CREG2: variants seen among roughly 807,000 people sequenced by gnomAD.
CREG2 encodes the protein cellular repressor of E1A stimulated genes 2, also known as protein CREG2.
A neutral mutation model predicts 26.2 loss-of-function variants in CREG2; 24 were observed. The observed-to-expected ratio is 0.92, with a 90% CI of 0.66 to 1.29. The LOEUF (loss-of-function observed/expected upper bound fraction) is 1.29. CREG2 is among the 50% of genes most tolerant of loss of function. The pLI is 0.00. For missense variants in CREG2, 366 were observed against 398.6 expected, an observed-to-expected ratio of 0.92 and a Z score of 0.70; for synonymous variants, 174 against 169.2, an observed-to-expected ratio of 1.03 and a Z score of -0.22.
chr2:101,372,254 A>G (rs1156579753), intron 2 of CREG2, among the ~76,000 whole-genome samples: 1 of 152,216 alleles, frequency 6.6e-6, no homozygotes, highest in Non-Finnish European at 1.5e-5. Flanking sequence ...AGGCAAGAAG[A>G]GCCTGTGCCT....
intron 2 of CREG2, among the ~76,000 whole-genome samples, chr2:101,369,615 C>T (rs535318900): frequency 6.6e-6 from 1 of 152,264 alleles, no homozygotes; most frequent in South Asian, 2.1e-4. Flanking sequence ...CTTCTACAGG[C>T]CGATAACTTG....
intron 2 of CREG2, among the ~76,000 whole-genome samples, chr2:101,370,041 G>A (rs955280114): frequency 1.3e-5 from 2 of 152,192 alleles, no homozygotes; most frequent in Non-Finnish European, 2.9e-5. Flanking sequence ...GTAACAGTCC[G>A]GCTCGGGAGC....
intron 2 of CREG2, among the ~76,000 whole-genome samples, chr2:101,371,878 A>G (rs1684712498): frequency 6.6e-6 from 1 of 152,304 alleles, no homozygotes; most frequent in Admixed American, 6.5e-5. Flanking sequence ...GAGGAAGACA[A>G]TGAAATCCTG....
intron 1 of CREG2, 103 bp downstream of exon 1, chr2:101,386,914 G>A: frequency 8.8e-7 from 1 of 1,141,688 alleles, no homozygotes. Context: ...ACGTCTGGTG[G>A]ACCCGGATCT....
intron 2 of CREG2, among the ~76,000 whole-genome samples, chr2:101,376,935 C>T (rs1196173650): frequency 6.6e-6 from 1 of 152,132 alleles, no homozygotes; most frequent in Non-Finnish European, 1.5e-5. Context: ...TTAGGAAATG[C>T]TGATTTCCTC....
intron 2 of CREG2, among the ~76,000 whole-genome samples, chr2:101,365,530 G>C (rs1202880980): frequency 2.0e-5 from 3 of 152,166 alleles, no homozygotes; most frequent in Admixed American, 1.3e-4. Context: ...TTGTCTGTAG[G>C]TGGTCACTTC....
chr2:101,387,476 G>C lies in CREG2; in HGVS notation c.-19C>G. 1.1e-6 allele frequency: 1 copy of C among 920,014 alleles called. No individual in the cohort carries two copies. Among genetic ancestry groups the C allele is most frequent in the Non-Finnish European group, 1.4e-6 (1 of 713,330 alleles). The allele number at this position is 920,014 out of a possible 1,614,324, so 57.0% of individuals were successfully genotyped here. ...CGGACATCTTGCAGGCAGCACGCCC[G>C]GCCGCCGGGGCCGCCAGCAGCGCTA... is the stretch of plus-strand genomic sequence containing the variant. On this transcript the variant is annotated 5_prime_UTR_variant, in exon 1 of 4. Transcript: ENST00000324768. This position sits in a 1 kb window ranked among gnomAD's most constrained non-coding sequence, Gnocchi z 4.7.
At chr2:101,364,804 A>G (rs4428028) in intron 2 of CREG2, among the ~76,000 whole-genome samples, 134,239 of 152,082 alleles carry the variant, frequency 0.88, 59,319 homozygotes, top group East Asian at 1. Flanking sequence ...GGCAGGAGGC[A>G]AGAGGGTCAG....
intron 2 of CREG2, among the ~76,000 whole-genome samples, chr2:101,361,869 C>T (rs186289147): frequency 2.6e-5 from 4 of 152,012 alleles, no homozygotes; most frequent in African/African-American, 9.7e-5. Flanking sequence ...CCCTGGGGAC[C>T]CTGATGCATG....
intron 2 of CREG2, among the ~76,000 whole-genome samples, chr2:101,364,529 G>A (rs574038524): frequency 5.9e-5 from 9 of 152,314 alleles, no homozygotes; most frequent in African/African-American, 1.9e-4. Context: ...GTGTGATTTC[G>A]TACTGTGTCA....
chr2:101,376,777 T>C (rs971639202), intron 2 of CREG2, among the ~76,000 whole-genome samples: 1 of 152,192 alleles, frequency 6.6e-6, no homozygotes, highest in Non-Finnish European at 1.5e-5. Context: ...CATGATCAAA[T>C]TTCTCCTTTA....
chr2:101,361,315 T>C (rs1049733536), intron 2 of CREG2, among the ~76,000 whole-genome samples: 3 of 152,176 alleles, frequency 2.0e-5, no homozygotes, highest in Non-Finnish European at 4.4e-5. Flanking sequence ...CTCTGGAACA[T>C]GTGAATATGT....
At chr2:101,368,148 C>T (rs941977549) in intron 2 of CREG2, among the ~76,000 whole-genome samples, 2 of 151,996 alleles carry the variant, frequency 1.3e-5, no homozygotes, top group Non-Finnish European at 2.9e-5. Context: ...ATTAGCTGGG[C>T]ATTGTGGCGT....
chr2:101,370,087 A>T (rs1009007679), intron 2 of CREG2, among the ~76,000 whole-genome samples: 2 of 151,958 alleles, frequency 1.3e-5, no homozygotes, highest in Non-Finnish European at 2.9e-5. Context: ...CCCTATGAGG[A>T]TTTGGCCTGT....
intron 2 of CREG2, among the ~76,000 whole-genome samples, chr2:101,361,249 TC>T (rs1426316754): frequency 6.6e-6 from 1 of 152,246 alleles, no homozygotes; most frequent in African/African-American, 2.4e-5. Context: ...TGGTATCACT[TC>T]CTTCTACATG....
intron 2 of CREG2, among the ~76,000 whole-genome samples, chr2:101,359,756 A>G (rs1684513859): frequency 6.6e-6 from 1 of 152,236 alleles, no homozygotes; most frequent in Admixed American, 6.5e-5. Context: ...AGGGAAGGTT[A>G]AGCCTAGAGG....
chr2:101,370,583 C>G (rs1192832524), intron 2 of CREG2, among the ~76,000 whole-genome samples: 2 of 152,218 alleles, frequency 1.3e-5, no homozygotes, highest in Non-Finnish European at 2.9e-5. Context: ...TCGTGATCCT[C>G]TTATTTAACT....
At chr2:101,378,411 G>A (rs1192762327) in intron 2 of CREG2, among the ~76,000 whole-genome samples, 1 of 152,218 alleles carries the variant, frequency 6.6e-6, no homozygotes, top group East Asian at 1.9e-4. Context: ...GGTCCTAGGG[G>A]AGGGGCAAGC....
At chr2:101,371,514 G>A (rs1046319700) in intron 2 of CREG2, among the ~76,000 whole-genome samples, 2 of 152,198 alleles carry the variant, frequency 1.3e-5, no homozygotes, top group Non-Finnish European at 2.9e-5. Flanking sequence ...ACTAACTGCT[G>A]CACTGTCCAT....
Sources: allele counts gnomAD v4.1 joint callset (sites outside exome capture counted in the v4.1 genomes callset), GRCh38; gene constraint gnomAD v4.1.1; non-coding constraint Gnocchi (gnomAD v3.1); transcripts MANE v1.5; gene names NCBI Gene and HGNC (gene_info 2026-07-23, HGNC 2026-07-21).